NUDT3: variants seen among roughly 807,000 people sequenced by gnomAD.
NUDT3 encodes the protein nudix hydrolase 3.
NUDT3 carries 9 observed loss-of-function variants against 23.6 expected under a neutral mutation model. That is an observed-to-expected ratio of 0.38 (90% CI 0.23 to 0.66). The LOEUF (loss-of-function observed/expected upper bound fraction) is 0.66, where lower values mean the gene tolerates loss of function less well. NUDT3 is among the 30% of genes least tolerant of loss of function. The pLI is 0.52. For synonymous variants in NUDT3, 86 were observed against 82.6 expected (o/e 1.04, Z -0.22); for missense variants, 172 against 218.5 (o/e 0.79, Z 1.34).
At chr6:34,381,664 C>G (rs1765019938) in intron 1 of NUDT3, among the ~76,000 whole-genome samples, 1 of 152,116 alleles carries the variant, frequency 6.6e-6, no homozygotes, top group African/African-American at 2.4e-5. Flanking sequence ...AGGAAGAAAT[C>G]AATACCACAG....
intron 1 of NUDT3, among the ~76,000 whole-genome samples, chr6:34,391,644 A>C (rs747111941): frequency 2.0e-5 from 3 of 152,182 alleles, no homozygotes; most frequent in Admixed American, 6.5e-5. Flanking sequence ...ATTATATCAA[A>C]TGTCTTTTCT....
chr6:34,366,043 A>AGG (rs1409184954), intron 1 of NUDT3, among the ~76,000 whole-genome samples: 3 of 152,066 alleles, frequency 2.0e-5, no homozygotes, highest in African/African-American at 7.2e-5. Flanking sequence ...TCTGTCTCAA[A>AGG]AAATATATAT....
rs1491576859 is a variant in NUDT3, at chr6:34,297,759, AAT to A, written c.211-2076_211-2075del. Among the ~76,000 whole-genome samples the A allele has an allele frequency of 3.1e-3, 219 of 71,090 alleles. 8 individuals carry two copies. Among genetic ancestry groups the A allele is most frequent in the African/African-American group, 0.012 (175 of 15,138 alleles). The allele number at this position is 71,090 out of a possible 152,430, so 46.6% of individuals were successfully genotyped here. On this transcript the variant is annotated intron_variant, in intron 2 of 4. Transcript: ENST00000607016. ...TATATATATATATATATATATATAT[AAT>A]TTTTTTTTTTTTTTTAGTAGAGACG...
intron 2 of NUDT3, among the ~76,000 whole-genome samples, chr6:34,330,642 C>T (rs528485029): frequency 2.0e-5 from 3 of 151,788 alleles, no homozygotes; most frequent in Non-Finnish European, 4.4e-5. Context: ...ACAAAAAATA[C>T]AAAAATTAGC....
intron 1 of NUDT3, among the ~76,000 whole-genome samples, chr6:34,380,792 G>A (rs542398050): frequency 3.9e-5 from 6 of 152,276 alleles, no homozygotes; most frequent in East Asian, 1.9e-4. Context: ...TCCACAATAC[G>A]TTAATACAAA....
chr6:34,375,682 A>G (rs1336067915), intron 1 of NUDT3, among the ~76,000 whole-genome samples: 1 of 152,204 alleles, frequency 6.6e-6, no homozygotes, highest in Non-Finnish European at 1.5e-5. Context: ...AATATAACTC[A>G]GACTCTTGGG....
intron 1 of NUDT3, among the ~76,000 whole-genome samples, chr6:34,356,979 G>A (rs1007562012): frequency 7.9e-5 from 12 of 151,918 alleles, no homozygotes; most frequent in Non-Finnish European, 1.2e-4. Context: ...GGGTTTCACC[G>A]TGTTAGCCAG....
rs1234254683 is a variant in NUDT3 at position 34,288,851 on chromosome 6, C to G, written c.421G>C (p.Glu141Gln). 6 of 1,614,140 alleles carry G rather than the reference C, an allele frequency of 3.7e-6. No homozygotes were observed. The highest frequency in any genetic ancestry group is 5.1e-6 in the Non-Finnish European group (6 of 1,180,018). ...GCTGAGTAGCCTTGCCTCAATGTTT[C>G]AAAATATGATGCCTGCACGGGTTTG... ...YHKPVQASYF[E>Q]TLRQGYSANN... The change falls in exon 5 of 5, where the codon GAA becomes CAA. Residue 141 changes from glutamate (E) to glutamine (Q), a missense_variant. Transcript: ENST00000607016.
intron 1 of NUDT3, among the ~76,000 whole-genome samples, chr6:34,386,630 C>T (rs1024010320): frequency 3.3e-5 from 5 of 151,844 alleles, no homozygotes; most frequent in Non-Finnish European, 5.9e-5. Context: ...TGATCTATTA[C>T]CTTCTAATAT....
chr6:34,364,257 C>G (rs550129798), intron 1 of NUDT3, among the ~76,000 whole-genome samples: 2 of 152,268 alleles, frequency 1.3e-5, no homozygotes, highest in South Asian at 2.1e-4. Flanking sequence ...TAACAGCTGA[C>G]AAGCTGTCTT....
At chr6:34,371,082 G>C (rs930635070) in intron 1 of NUDT3, among the ~76,000 whole-genome samples, 4 of 151,726 alleles carry the variant, frequency 2.6e-5, no homozygotes, top group African/African-American at 9.7e-5. Flanking sequence ...CTGCACTCCA[G>C]CCTGGGCAAC....
intron 2 of NUDT3, among the ~76,000 whole-genome samples, chr6:34,335,187 T>C (rs1300850505): frequency 6.6e-6 from 1 of 152,184 alleles, no homozygotes; most frequent in Admixed American, 6.5e-5. Flanking sequence ...TTCATGTTGA[T>C]GGACTAAATT....
intron 1 of NUDT3, among the ~76,000 whole-genome samples, chr6:34,360,592 A>G (rs1764635041): frequency 6.6e-6 from 1 of 152,128 alleles, no homozygotes; most frequent in Non-Finnish European, 1.5e-5. Context: ...AACAAAAAAG[A>G]TTGTCTATAA....
At chr6:34,305,184 T>C (rs1330084581) in intron 2 of NUDT3, among the ~76,000 whole-genome samples, 1 of 150,538 alleles carries the variant, frequency 6.6e-6, no homozygotes, top group African/African-American at 2.4e-5. Flanking sequence ...GGTTTTACCA[T>C]GTTGGCAGGC....
chr6:34,391,844 C>T (rs1765206317), intron 1 of NUDT3, among the ~76,000 whole-genome samples: 1 of 151,986 alleles, frequency 6.6e-6, no homozygotes. Flanking sequence ...CCACAAAGGC[C>T]GGCCCGCGCC....
chr6:34,366,468 G>GA (rs1764733330), intron 1 of NUDT3, among the ~76,000 whole-genome samples: 1 of 120,758 alleles, frequency 8.3e-6, no homozygotes, highest in African/African-American at 3.4e-5. Context: ...GAAAGAGAGA[G>GA]AGGGAAGGGA....
chr6:34,374,250 T>A (rs1452910740), intron 1 of NUDT3, among the ~76,000 whole-genome samples: 1 of 152,134 alleles, frequency 6.6e-6, no homozygotes, highest in Non-Finnish European at 1.5e-5. Context: ...TTGTACATAT[T>A]ATTTTACCAG....
At chr6:34,372,443 G>C (rs1477249055) in intron 1 of NUDT3, among the ~76,000 whole-genome samples, 1 of 152,060 alleles carries the variant, frequency 6.6e-6, no homozygotes, top group Admixed American at 6.6e-5. Flanking sequence ...ATTCTAACTG[G>C]TGTGAGATGG....
intron 1 of NUDT3, 120 bp downstream of exon 1, chr6:34,392,144 T>G: frequency 2.9e-6 from 2 of 682,278 alleles, no homozygotes; most frequent in Non-Finnish European, 4.7e-6. Context: ...CCATCGGAAC[T>G]TCATTCCGCC....
Sources: allele counts gnomAD v4.1 joint callset (sites outside exome capture counted in the v4.1 genomes callset), GRCh38; gene constraint gnomAD v4.1.1; transcripts MANE v1.5; gene names NCBI Gene and HGNC (gene_info 2026-07-23, HGNC 2026-07-21).